GRID2: variants seen among roughly 807,000 people sequenced by gnomAD.
The protein encoded by GRID2 is glutamate receptor ionotropic, delta-2.
A neutral mutation model predicts 114.8 loss-of-function variants in GRID2; 33 were observed. The observed-to-expected ratio is 0.29, with a 90% CI of 0.22 to 0.38. The LOEUF (loss-of-function observed/expected upper bound fraction) is 0.38, where lower values mean the gene tolerates loss of function less well. GRID2 is among the 10% of genes least tolerant of loss of function. The probability of loss-of-function intolerance (pLI) is 1.00; values close to 1 mark genes in which losing one functional copy is unlikely to be tolerated. For synonymous variants in GRID2, 505 were observed against 449.9 expected (o/e 1.12, Z -1.55); for missense variants, 1,184 against 1,257.7 (o/e 0.94, Z 0.89).
intron 1 of GRID2, among the ~76,000 whole-genome samples, chr4:93,794,262 A>C (rs1036022607): frequency 3.8e-4 from 58 of 152,356 alleles, no homozygotes; most frequent in African/African-American, 1.4e-3. Context: ...ATTTGCTGCT[A>C]TGCAGACTGA....
chr4:92,517,881 C>A (rs2149137039), intron 1 of GRID2, among the ~76,000 whole-genome samples: 1 of 151,616 alleles, frequency 6.6e-6, no homozygotes, highest in African/African-American at 2.4e-5. Context: ...CAAAGATGAA[C>A]AATATTTTCA....
chr4:93,437,604 G>A (rs566172783), intron 10 of GRID2, among the ~76,000 whole-genome samples: 2 of 151,998 alleles, frequency 1.3e-5, no homozygotes, highest in Non-Finnish European at 2.9e-5. Context: ...TAAACTTCTC[G>A]AAATTCACAC....
At chr4:92,509,609 T>C (rs1724139247) in intron 1 of GRID2, among the ~76,000 whole-genome samples, 1 of 151,948 alleles carries the variant, frequency 6.6e-6, no homozygotes, top group African/African-American at 2.4e-5. Context: ...TTGTGATAAG[T>C]GCTTCAGAAA....
At chr4:93,356,478 T>G (rs1339769000) in intron 8 of GRID2, among the ~76,000 whole-genome samples, 3 of 152,014 alleles carry the variant, frequency 2.0e-5, no homozygotes, top group Admixed American at 2.0e-4. Flanking sequence ...TATTACCATT[T>G]GTTTCATTTA....
chr4:92,406,115 A>G (rs1207724061), intron 1 of GRID2, among the ~76,000 whole-genome samples: 1 of 152,080 alleles, frequency 6.6e-6, no homozygotes, highest in African/African-American at 2.4e-5. Flanking sequence ...TAGATGGTGC[A>G]CACCTGATTA....
Position 92,688,037 on chromosome 4 carries a change from C to CCTTTTTTT in GRID2, c.244+97751_244+97752insCTTTTTTT, listed in dbSNP as rs1553916864. 3.4e-3 allele frequency among the ~76,000 whole-genome samples: 151 copies of CCTTTTTTT among 44,652 alleles called. 5 individuals carry two copies. Among genetic ancestry groups the CCTTTTTTT allele is most frequent in the South Asian group, 8.7e-3 (11 of 1,268 alleles). 29.3% of individuals were successfully genotyped at this position (44,652 alleles called of 152,430 possible). A position where few individuals can be genotyped will look rare whatever the true frequency, so the allele number is the denominator to read the frequency against. On this transcript the variant is annotated intron_variant, in intron 2 of 15. Transcript: ENST00000282020. ...GCCACATTGGTTGACCCTTCTTCTT[C>CCTTTTTTT]TTTTTTTTTTTTTTTTTTTTTTTTT...
At chr4:93,593,040 G>A (rs1738576091) in intron 13 of GRID2, among the ~76,000 whole-genome samples, 1 of 151,716 alleles carries the variant, frequency 6.6e-6, no homozygotes, top group African/African-American at 2.4e-5. Flanking sequence ...TTTAATTGGA[G>A]AATTTAGTCC....
intron 2 of GRID2, among the ~76,000 whole-genome samples, chr4:92,945,076 T>A (rs1168933351): frequency 6.6e-6 from 1 of 152,192 alleles, no homozygotes; most frequent in African/African-American, 2.4e-5. Flanking sequence ...TAACTAAGTT[T>A]GAAATTAGAT....
At chr4:93,445,255 T>C (rs1026813480) in intron 10 of GRID2, among the ~76,000 whole-genome samples, 20 of 151,972 alleles carry the variant, frequency 1.3e-4, no homozygotes, top group African/African-American at 4.8e-4. Flanking sequence ...AGAAAATAAG[T>C]AAAATAAGTT....
At chr4:93,541,601 A>G (rs1009765835) in intron 13 of GRID2, among the ~76,000 whole-genome samples, 10 of 135,220 alleles carry the variant, frequency 7.4e-5, no homozygotes, top group African/African-American at 3.0e-4. Flanking sequence ...TTTTGTAGTC[A>G]TTTACAGACT....
At chr4:93,476,140 C>G (rs1171081055) in intron 11 of GRID2, among the ~76,000 whole-genome samples, 1 of 152,084 alleles carries the variant, frequency 6.6e-6, no homozygotes, top group Non-Finnish European at 1.5e-5. Flanking sequence ...TTATTCAAAC[C>G]ATGCATTGTG....
chr4:93,468,238 G>T (rs1488058627), intron 11 of GRID2, among the ~76,000 whole-genome samples: 1 of 152,116 alleles, frequency 6.6e-6, no homozygotes, highest in African/African-American at 2.4e-5. Flanking sequence ...TCATTCAACA[G>T]TTAGTGTATG....
intron 8 of GRID2, among the ~76,000 whole-genome samples, chr4:93,333,236 C>T (rs1758688292): frequency 1.3e-5 from 2 of 152,166 alleles, no homozygotes; most frequent in South Asian, 4.1e-4. Context: ...TGAATTGCTC[C>T]AGGATCTTGT....
chr4:93,092,661 A>G (rs1560870258), intron 3 of GRID2, among the ~76,000 whole-genome samples: 1 of 151,938 alleles, frequency 6.6e-6, no homozygotes, highest in Admixed American at 6.6e-5. Flanking sequence ...CAGTTAATGG[A>G]CTTTCACTAT....
chr4:93,613,074 G>A (rs905569065), intron 13 of GRID2, among the ~76,000 whole-genome samples: 3 of 133,560 alleles, frequency 2.2e-5, no homozygotes, highest in South Asian at 2.6e-4. Context: ...ATCTTCCATT[G>A]CTGATACCCT....
At chr4:93,241,655 C>T (rs1747527703) in intron 8 of GRID2, among the ~76,000 whole-genome samples, 1 of 151,756 alleles carries the variant, frequency 6.6e-6, no homozygotes, top group African/African-American at 2.4e-5. Flanking sequence ...TTAAGGTATG[C>T]TGGCCTAACT....
intron 1 of GRID2, among the ~76,000 whole-genome samples, chr4:92,353,627 A>C (rs558068091): frequency 6.6e-6 from 1 of 151,964 alleles, no homozygotes; most frequent in African/African-American, 2.4e-5. Context: ...AGTTTTCTTG[A>C]ACACCAGTAA....
chr4:92,347,699 T>C (rs1024512766), intron 1 of GRID2, among the ~76,000 whole-genome samples: 27 of 152,108 alleles, frequency 1.8e-4, no homozygotes, highest in African/African-American at 6.3e-4. Flanking sequence ...AGATGAAACA[T>C]TGGTATAACC....
At chr4:93,795,880 T>A (rs1734790083) in intron 1 of GRID2, among the ~76,000 whole-genome samples, 1 of 152,170 alleles carries the variant, frequency 6.6e-6, no homozygotes, top group South Asian at 2.1e-4. Flanking sequence ...GGGAAAGCAT[T>A]GAGGAGCGTG....
Sources: gnomAD v4.1 joint callset for allele counts (sites outside exome capture counted in the v4.1 genomes callset) on GRCh38, gnomAD v4.1.1 for gene constraint, MANE v1.5 for transcripts, NCBI Gene and HGNC (gene_info 2026-07-23, HGNC 2026-07-21) for gene names.